The following SLC9A3 variants were observed in gnomAD, a reference collection of about 807,000 sequenced individuals.
SLC9A3 encodes the protein sodium/hydrogen exchanger 3.
A neutral mutation model predicts 86.8 loss-of-function variants in SLC9A3; 37 were observed. That is an observed-to-expected ratio of 0.43 (90% CI 0.33 to 0.56). SLC9A3 has a LOEUF of 0.56. Ranked by LOEUF, SLC9A3 falls within the 20% of genes least tolerant of loss-of-function variation. The pLI, the probability that SLC9A3 is intolerant of heterozygous loss-of-function variation, is 0.06. For synonymous variants in SLC9A3, 581 were observed against 528.3 expected, an observed-to-expected ratio of 1.10 and a Z score of -1.37; for missense variants, 1,011 against 1,171.9, an observed-to-expected ratio of 0.86 and a Z score of 2.00.
chr5:502,306 C>G (rs1399431862), intron 1 of SLC9A3, among the ~76,000 whole-genome samples: 1 of 152,176 alleles, frequency 6.6e-6, no homozygotes, highest in Non-Finnish European at 1.5e-5. Context: ...ACGGCCCAGG[C>G]CCCCTTATTA....
chr5:481,108 T>G (rs1324153104), intron 9 of SLC9A3, among the ~76,000 whole-genome samples: 5 of 152,332 alleles, frequency 3.3e-5, no homozygotes, highest in African/African-American at 1.2e-4. Context: ...TAGGCTGGTC[T>G]CAAACTCCTG....
intron 2 of SLC9A3, among the ~76,000 whole-genome samples, chr5:489,863 G>A (rs1204968580): frequency 6.6e-6 from 1 of 152,212 alleles, no homozygotes; most frequent in African/African-American, 2.4e-5. Context: ...GTGCCAGGAG[G>A]GCTCATGCCA....
chr5:481,627 G>A lies in SLC9A3; in HGVS notation c.1455C>T (p.Asp485=). The A allele has an allele frequency of 5.0e-6, 8 of 1,613,896 alleles. No individual in the cohort carries two copies. The highest frequency in any genetic ancestry group is 6.8e-6 in the Non-Finnish European group (8 of 1,179,810). ...TGTCCTCGATGGCCGAGAGGATGTG[G>A]TCGAAAGCCTTTCAAGGGAAGAAAG... ...LNEKLHGRAF[D]HILSAIEDIS... The change falls in exon 9 of 17, where the codon GAC becomes GAT. Residue 485 remains aspartate (D), a synonymous_variant. Transcript: ENST00000264938.
At chr5:489,801 C>T (rs1442688251) in intron 2 of SLC9A3, among the ~76,000 whole-genome samples, 2 of 152,176 alleles carry the variant, frequency 1.3e-5, no homozygotes, top group Non-Finnish European at 2.9e-5. Context: ...GGGTCGGCCG[C>T]GTTCAGACTC....
At position 491,679 on chromosome 5, in the gene SLC9A3, G is replaced by A. The variant is rs1739748270; in HGVS notation, c.514+90C>T. On this transcript the variant is annotated intron_variant, in intron 2 of 16. Transcript: ENST00000264938. The surrounding 1 kb of genome is among the most constrained non-coding windows in gnomAD (Gnocchi z 9.2). ...ACACTTACCGCCTGGAGGCCAGGGT[G>A]CGGCACCCCGACCTTTCTGAGATGA... The A allele has an allele frequency of 8.2e-7, 1 of 1,223,174 alleles. No individual in the cohort carries two copies. Among genetic ancestry groups the A allele is most frequent in the East Asian group, 2.6e-5 (1 of 38,690 alleles). 75.8% of individuals were successfully genotyped at this position (1,223,174 alleles called of 1,614,324 possible).
Position 484,553 on chromosome 5 carries a change from G to A in SLC9A3, c.899C>T (p.Thr300Met), listed in dbSNP as rs1230130687. The part of the protein sequence containing the change: ...VFIISYLSYL[T>M]SEMLSLSAIL... The stretch of plus-strand genomic sequence containing the variant: ...GGCCGACAGCGACAGCATCTCGGAC[G>A]TCAGGTAGGACAGGTAGGAGATGAT... The change falls in exon 5 of 17, where the codon ACG becomes ATG. Residue 300 changes from threonine (T) to methionine (M), a missense_variant. By Grantham distance (81) the Thr-to-Met change is moderately conservative (BLOSUM62 -1). Transcript: ENST00000264938. 5.0e-6 allele frequency: 8 copies of A among 1,613,186 alleles called. No individual in the cohort carries two copies. Among genetic ancestry groups the A allele is most frequent in the Admixed American group, 3.3e-5 (2 of 60,010 alleles).
intron 1 of SLC9A3, among the ~76,000 whole-genome samples, chr5:520,939 G>A (rs565552635): frequency 1.1e-4 from 16 of 152,310 alleles, no homozygotes; most frequent in Admixed American, 2.0e-4. Flanking sequence ...AGGGTGAGGC[G>A]GGGATTCTGG....
intron 12 of SLC9A3, 60 bp downstream of exon 12, chr5:476,483 G>A (rs1738743774): frequency 4.4e-6 from 7 of 1,603,040 alleles, no homozygotes; most frequent in Non-Finnish European, 6.0e-6. Flanking sequence ...AGGAGGGGAC[G>A]AGGAAGCCGC....
intron 1 of SLC9A3, among the ~76,000 whole-genome samples, chr5:504,576 GC>G (rs772321489): frequency 6.6e-6 from 1 of 152,284 alleles, no homozygotes; most frequent in South Asian, 2.1e-4. Context: ...CGGGCTCACG[GC>G]CCCGCTGCCT....
intron 1 of SLC9A3, among the ~76,000 whole-genome samples, chr5:511,980 C>T (rs1014726640): frequency 6.6e-6 from 1 of 152,178 alleles, no homozygotes; most frequent in African/African-American, 2.4e-5. Context: ...AACACAGATG[C>T]AATGACTAAG....
At chr5:486,216 C>T (rs930757906) in intron 3 of SLC9A3, among the ~76,000 whole-genome samples, 2 of 147,916 alleles carry the variant, frequency 1.4e-5, no homozygotes, top group East Asian at 2.0e-4. Context: ...GCAGGGTCCT[C>T]GGGGCTGGGG....
chr5:510,069 C>A (rs748622250), intron 1 of SLC9A3, among the ~76,000 whole-genome samples: 1 of 152,188 alleles, frequency 6.6e-6, no homozygotes, highest in Non-Finnish European at 1.5e-5. Context: ...TGGGCTGGAC[C>A]GGGGAGCCGC....
chr5:477,518 G>C (rs1434157967), intron 10 of SLC9A3, 74 bp from the exon 11 acceptor site: 8 of 1,137,076 alleles, frequency 7.0e-6, no homozygotes, highest in Admixed American at 2.3e-5. Flanking sequence ...TGCCCTGGGG[G>C]GAAGCGCCCA....
chr5:494,065 C>A (rs770264301), intron 1 of SLC9A3, among the ~76,000 whole-genome samples: 1 of 152,226 alleles, frequency 6.6e-6, no homozygotes, highest in African/African-American at 2.4e-5. Context: ...TGCAGGGTCC[C>A]GTCTGCTCCA....
chr5:514,886 GCTCCTT>G (rs1227160067), intron 1 of SLC9A3, among the ~76,000 whole-genome samples: 2 of 152,282 alleles, frequency 1.3e-5, no homozygotes, highest in East Asian at 3.9e-4. Flanking sequence ...CCTGGCTCCC[GCTCCTT>G]CCCTCTGCCC....
Position 476,106 on chromosome 5 carries a change from G to A in SLC9A3, c.2068-14C>T. 4 of 1,613,062 alleles carry A rather than the reference G, an allele frequency of 2.5e-6. No homozygotes were observed. Among genetic ancestry groups the A allele is most frequent in the Non-Finnish European group, 3.4e-6 (4 of 1,179,592 alleles). On this transcript the variant is annotated splice_polypyrimidine_tract_variant and intron_variant, in intron 13 of 16. Transcript: ENST00000264938. ...GCTGCTGTTTCTCTGCGGAGCAAAC[G>A]TGAAGCTGCTCACACCCCGACACAG...
intron 2 of SLC9A3, among the ~76,000 whole-genome samples, chr5:489,787 C>T (rs1739639643): frequency 6.6e-6 from 1 of 152,190 alleles, no homozygotes; most frequent in African/African-American, 2.4e-5. Flanking sequence ...CCATGGATGT[C>T]CTGGGGTCGG....
chr5:476,483 G>C, intron 12 of SLC9A3, 60 bp downstream of exon 12: 13 of 1,603,040 alleles, frequency 8.1e-6, no homozygotes, highest in Non-Finnish European at 1.1e-5. Context: ...AGGAGGGGAC[G>C]AGGAAGCCGC....
At chr5:482,488 G>A in intron 7 of SLC9A3, 60 bp downstream of exon 7, 1 of 1,398,388 alleles carries the variant, frequency 7.2e-7, no homozygotes, top group East Asian at 2.3e-5. Flanking sequence ...CTGAAGTGCG[G>A]GCCCAGGCTC....
Sources: gnomAD v4.1 joint callset for allele counts (sites outside exome capture counted in the v4.1 genomes callset) on GRCh38, gnomAD v4.1.1 for gene constraint, Gnocchi (gnomAD v3.1) non-coding constraint, MANE v1.5 for transcripts, NCBI Gene and HGNC (gene_info 2026-07-23, HGNC 2026-07-21) for gene names.